The following CENPI variants were observed in gnomAD, a reference collection of about 807,000 sequenced individuals.
CENPI encodes centromere protein I.
A neutral mutation model predicts 60.4 loss-of-function variants in CENPI; 4 were observed. That is an observed-to-expected ratio of 0.07 (90% CI 0.03 to 0.15). The LOEUF (loss-of-function observed/expected upper bound fraction) is 0.15, where lower values mean the gene tolerates loss of function less well. Among genes scored for constraint, CENPI ranks in the 10% least tolerant of loss-of-function variants. CENPI has a pLI of 1.00. For synonymous variants in CENPI, 157 were observed against 189.4 expected, an observed-to-expected ratio of 0.83 and a Z score of 1.40; for missense variants, 444 against 534.5, an observed-to-expected ratio of 0.83 and a Z score of 1.67.
the CENPI span, among the ~76,000 whole-genome samples, chrX:101,180,925 C>T: frequency 1.8e-5 from 2 of 111,401 alleles, no homozygotes; most frequent in Non-Finnish European, 3.8e-5. Context: ...TGCCACCACA[C>T]ATGGCTAATT....
chrX:101,128,677 C>T, intron 11 of CENPI, 39 bp from the exon 12 acceptor site: 1 of 1,187,326 alleles, frequency 8.4e-7, no homozygotes, highest in South Asian at 1.9e-5. Flanking sequence ...ATCCACTTTT[C>T]AGATACTTAA....
chrX:101,102,427 G>A lies in CENPI; in HGVS notation c.364+16G>A. On this transcript the variant is annotated intron_variant, in intron 4 of 21. Coordinates refer to ENST00000682095, the MANE Select transcript of CENPI (RefSeq NM_001386188.2). Reference sequence around the variant, plus strand: ...GGCAAATTTGGTATGTTGAGGAAATGCTTTTTTTTTCTTTTAACTCACCTA... The same window carrying A: ...GGCAAATTTGGTATGTTGAGGAAATACTTTTTTTTTCTTTTAACTCACCTA... 1 of 1,062,345 alleles carries A rather than the reference G, an allele frequency of 9.4e-7. No individual in the cohort carries two copies. Among genetic ancestry groups the A allele is most frequent in the Non-Finnish European group, 1.2e-6 (1 of 807,241 alleles). 87.5% of individuals were successfully genotyped at this position (1,062,345 alleles called of 1,213,427 possible).
At chrX:101,174,368 G>A in the CENPI span, among the ~76,000 whole-genome samples, 1,340 of 111,843 alleles carry the variant, frequency 0.012, 24 homozygotes, top group African/African-American at 0.041. Flanking sequence ...ACATGCACTC[G>A]TGTGTTCATT....
At chrX:101,121,435 C>G (rs932236151) in intron 8 of CENPI, among the ~76,000 whole-genome samples, 1 of 110,131 alleles carries the variant, frequency 9.1e-6, no homozygotes, top group Admixed American at 9.8e-5. Flanking sequence ...GGATTACAGG[C>G]GCCCACCACC....
chrX:101,121,950 G>A (rs766017205), intron 8 of CENPI, among the ~76,000 whole-genome samples: 2 of 107,288 alleles, frequency 1.9e-5, no homozygotes, highest in South Asian at 4.2e-4. Context: ...CTACAGGCGC[G>A]CACCACCACG....
intron 21 of CENPI, 108 bp from the exon 22 acceptor site, chrX:101,162,725 A>T (rs2090122397): frequency 2.4e-6 from 2 of 846,222 alleles, no homozygotes; most frequent in African/African-American, 4.1e-5. Flanking sequence ...ACTAATTTTG[A>T]TATGTGCATG....
At chrX:101,167,472 C>A (rs1569505287), downstream of CENPI, among the ~76,000 whole-genome samples, 1 of 111,488 alleles carries the variant, frequency 9.0e-6, no homozygotes, top group Non-Finnish European at 1.9e-5. Context: ...AAAAATTAAC[C>A]TTTAATTCCA....
At chrX:101,181,478 T>G in the CENPI span, among the ~76,000 whole-genome samples, 1 of 112,572 alleles carries the variant, frequency 8.9e-6, no homozygotes, top group East Asian at 2.8e-4. Flanking sequence ...ACAACAACGT[T>G]TTGTAGTTTC....
chrX:101,139,830 T>G (rs12399859), intron 15 of CENPI, among the ~76,000 whole-genome samples: 2,657 of 102,067 alleles, frequency 0.026, 64 homozygotes, highest in African/African-American at 0.084. Flanking sequence ...GTTTTTTTTT[T>G]TTTGTTTTTT....
chrX:101,154,080 C>G (rs1602854621), intron 20 of CENPI, among the ~76,000 whole-genome samples: 1 of 111,734 alleles, frequency 8.9e-6, no homozygotes, highest in East Asian at 2.8e-4. Flanking sequence ...TGTATGGACT[C>G]TTAATTCTAT....
the CENPI span, among the ~76,000 whole-genome samples, chrX:101,179,131 C>A: frequency 8.9e-6 from 1 of 112,043 alleles, no homozygotes; most frequent in Non-Finnish European, 1.9e-5. Flanking sequence ...TTTTTCATCA[C>A]CCAGAAAGGA....
chrX:101,102,464 T>A (rs2089428149), intron 4 of CENPI, 53 bp downstream of exon 4: 8 of 839,991 alleles, frequency 9.5e-6, no homozygotes, highest in Non-Finnish European at 4.9e-6. Flanking sequence ...CACCTATATT[T>A]TTTTCTTTTA....
rs757036616 is a variant in CENPI, at chrX:101,105,319, T to G, written c.364+2908T>G. Among the ~76,000 whole-genome samples, 138 of 110,703 alleles carry G rather than the reference T, an allele frequency of 1.2e-3. 1 individual carries two copies. Among genetic ancestry groups the G allele is most frequent in the African/African-American group, 4.3e-3 (130 of 30,466 alleles). On this transcript the variant is annotated intron_variant, in intron 4 of 21. Coordinates refer to ENST00000682095, the MANE Select transcript of CENPI (RefSeq NM_001386188.2). ...GTGGGCGGATCACGAGATCAGGAGA[T>G]CGAGACCATCCTGGCTAACATGGTG...
intron 20 of CENPI, among the ~76,000 whole-genome samples, chrX:101,152,265 A>G (rs181253775): frequency 0.01 from 1,116 of 109,484 alleles, 9 homozygotes; most frequent in Non-Finnish European, 0.016. Context: ...GGGTTTCACC[A>G]TGTTGGTCAG....
chrX:101,105,114 T>A (rs767084904), intron 4 of CENPI, among the ~76,000 whole-genome samples: 1 of 112,125 alleles, frequency 8.9e-6, no homozygotes, highest in African/African-American at 3.2e-5. Flanking sequence ...TAAAATTGGC[T>A]TTTTTCTTGT....
At chrX:101,112,580 C>A (rs2089566808) in intron 6 of CENPI, among the ~76,000 whole-genome samples, 1 of 112,165 alleles carries the variant, frequency 8.9e-6, no homozygotes, top group Non-Finnish European at 1.9e-5. Context: ...TAAAATATTC[C>A]TACCTTTTCC....
intron 21 of CENPI, 114 bp downstream of exon 21, chrX:101,161,683 A>G: frequency 1.5e-6 from 1 of 647,532 alleles, no homozygotes; most frequent in Non-Finnish European, 2.4e-6. Flanking sequence ...CACAAAGTCA[A>G]AATGAAGTGT....
rs1190768253 is a variant in CENPI at position 101,162,455 on chromosome X, CAA to C, written c.2137-360_2137-359del. On this transcript the variant is annotated intron_variant, in intron 21 of 21. Coordinates refer to ENST00000682095, the MANE Select transcript of CENPI (RefSeq NM_001386188.2). ...CAACAAACAGAGCAAAACCGTATCT[CAA>C]AAAAAAAAAAAAAAAAATATATATA... 1.5e-3 allele frequency among the ~76,000 whole-genome samples: 79 copies of C among 53,931 alleles called. 1 individual carries two copies. Among genetic ancestry groups the C allele is most frequent in the Admixed American group, 4.8e-3 (18 of 3,778 alleles). The allele number at this position is 53,931 out of a possible 115,157, so 46.8% of individuals were successfully genotyped here. A position where few individuals can be genotyped will look rare whatever the true frequency, so the allele number is the denominator to read the frequency against.
chrX:101,128,381 C>T (rs990484701), intron 11 of CENPI, among the ~76,000 whole-genome samples: 9 of 110,459 alleles, frequency 8.1e-5, no homozygotes, highest in African/African-American at 3.0e-4. Flanking sequence ...GCCTGTGGTT[C>T]CAGCTACTCA....
Sources: gnomAD v4.1 joint callset for allele counts (sites outside exome capture counted in the v4.1 genomes callset) on GRCh38, gnomAD v4.1.1 for gene constraint, MANE v1.5 for transcripts, NCBI Gene and HGNC (gene_info 2026-07-23, HGNC 2026-07-21) for gene names.